Variants in MAGI3 observed in about 807,000 individuals in gnomAD.
MAGI3 encodes membrane associated guanylate kinase, WW and PDZ domain containing 3.
Under a neutral mutation model 121.8 loss-of-function variants are expected in MAGI3, and 43 were observed. That is an observed-to-expected ratio of 0.35 (90% CI 0.28 to 0.46). The LOEUF is 0.46. Ranked by LOEUF, MAGI3 falls within the 20% of genes least tolerant of loss-of-function variation. The probability of loss-of-function intolerance (pLI) is 1.00; values close to 1 mark genes in which losing one functional copy is unlikely to be tolerated. For missense variants in MAGI3, 1,547 were observed against 1,797.3 expected, an observed-to-expected ratio of 0.86 and a Z score of 2.52; for synonymous variants, 553 against 639.3, an observed-to-expected ratio of 0.86 and a Z score of 2.04.
rs1167186356 is a variant in MAGI3, at chr1:113,557,840, A to G, written c.433+8209A>G. Among the ~76,000 whole-genome samples the G allele has an allele frequency of 1.2e-4, 19 of 152,150 alleles. 1 individual carries two copies. Among genetic ancestry groups the G allele is most frequent in the Admixed American group, 1.2e-3 (18 of 15,278 alleles). On this transcript the variant is annotated intron_variant, in intron 2 of 20. Transcript: ENST00000307546. ...GTAGTTCAGTACCCACCTGGGACAG[A>G]GCTTCCAGAGGAAGCAGCAAGCTGC...
At position 113,653,924 on chromosome 1, in the gene MAGI3, A is replaced by G; in HGVS notation, c.2535A>G (p.Ala845=). 1.2e-6 allele frequency: 2 copies of G among 1,614,070 alleles called. No individual in the cohort carries two copies. The highest frequency in any genetic ancestry group is 1.7e-6 in the Non-Finnish European group (2 of 1,179,980). Reference sequence around the variant, plus strand: ...GGGCAGAGGTCCCAGCCAGGCCTGCACCCCAGGAGCCCTATGATGTTGTCT... The same window carrying G: ...GGGCAGAGGTCCCAGCCAGGCCTGCGCCCCAGGAGCCCTATGATGTTGTCT... ...LNRAEVPARP[A]PQEPYDVVLQ... Residue 845 remains alanine (A), a synonymous_variant, in exon 15 of 21, where the codon GCA becomes GCG. Transcript: ENST00000307546.
intron 1 of MAGI3, among the ~76,000 whole-genome samples, chr1:113,423,178 C>T (rs1652813933): frequency 6.6e-6 from 1 of 150,504 alleles, no homozygotes; most frequent in Non-Finnish European, 1.5e-5. Context: ...AACAGAACAA[C>T]TCTCAGTGGA....
intron 9 of MAGI3, among the ~76,000 whole-genome samples, chr1:113,634,174 C>A (rs558285926): frequency 6.6e-6 from 1 of 152,240 alleles, no homozygotes; most frequent in South Asian, 2.1e-4. Context: ...AATTTTCTCC[C>A]ATTTTGTAGG....
intron 1 of MAGI3, among the ~76,000 whole-genome samples, chr1:113,479,505 C>G (rs1196990467): frequency 6.6e-6 from 1 of 152,122 alleles, no homozygotes; most frequent in East Asian, 1.9e-4. Flanking sequence ...TGTGACTAGT[C>G]ATTTGCTGCT....
intron 6 of MAGI3, among the ~76,000 whole-genome samples, chr1:113,602,576 A>G (rs1471476882): frequency 1.3e-5 from 2 of 152,198 alleles, no homozygotes; most frequent in African/African-American, 4.8e-5. Context: ...GAACAAACCC[A>G]AAGTTAGTGG....
At chr1:113,397,393 G>C (rs1651172699) in intron 1 of MAGI3, among the ~76,000 whole-genome samples, 1 of 152,108 alleles carries the variant, frequency 6.6e-6, no homozygotes, top group African/African-American at 2.4e-5. Flanking sequence ...TTTTGAACTT[G>C]TTTGGGTTTT....
chr1:113,587,875 A>G (rs1424077792), intron 4 of MAGI3, among the ~76,000 whole-genome samples: 3 of 152,196 alleles, frequency 2.0e-5, no homozygotes, highest in Non-Finnish European at 4.4e-5. Flanking sequence ...TCCATTAGGT[A>G]CCTTTTAATT....
intron 1 of MAGI3, among the ~76,000 whole-genome samples, chr1:113,506,866 G>C (rs543688571): frequency 1.1e-4 from 16 of 152,292 alleles, no homozygotes; most frequent in Middle Eastern, 3.4e-3. Flanking sequence ...CGATGTACTA[G>C]CTTTGGTGCT....
intron 1 of MAGI3, among the ~76,000 whole-genome samples, chr1:113,537,719 T>G (rs1165409391): frequency 6.6e-6 from 1 of 152,202 alleles, no homozygotes; most frequent in Non-Finnish European, 1.5e-5. Context: ...GATAATAAAT[T>G]TTTTCTTTCA....
chr1:113,420,837 G>C (rs1227800340), intron 1 of MAGI3, among the ~76,000 whole-genome samples: 1 of 152,082 alleles, frequency 6.6e-6, no homozygotes, highest in Non-Finnish European at 1.5e-5. Flanking sequence ...CTGTATCTCA[G>C]GGAATACAAG....
intron 1 of MAGI3, among the ~76,000 whole-genome samples, chr1:113,471,729 C>T (rs1276985100): frequency 1.3e-5 from 2 of 151,604 alleles, no homozygotes; most frequent in Non-Finnish European, 2.9e-5. Flanking sequence ...TTTTTTATAC[C>T]AGCATCACCA....
chr1:113,417,561 C>G (rs746171464), intron 1 of MAGI3, among the ~76,000 whole-genome samples: 1 of 151,944 alleles, frequency 6.6e-6, no homozygotes, highest in Admixed American at 6.6e-5. Context: ...AATTTAAGAA[C>G]AGGACTTAAT....
chr1:113,679,548 C>T (rs185289281), intron 19 of MAGI3, among the ~76,000 whole-genome samples: 120 of 152,158 alleles, frequency 7.9e-4, no homozygotes, highest in Admixed American at 1.4e-3. Flanking sequence ...AAAATCAGTA[C>T]CATCATTATG....
chr1:113,683,806 A>G lies in MAGI3; in HGVS notation c.4238A>G (p.Gln1413Arg). The stretch of plus-strand genomic sequence containing the variant: ...CAGCTATCAGAAAAGAGGCTGAAGC[A>G]AGAACCTGAAGAGAAGGTAGTTTCA... ...NVQLSEKRLK[Q>R]EPEEKVVSNK... is the part of the protein sequence containing the mutation. The change falls in exon 21 of 21, where the codon CAA (glutamine) becomes CGA (arginine). Residue 1413 changes from glutamine (Q) to arginine (R), a missense_variant. Coordinates refer to ENST00000307546, the MANE Select transcript of MAGI3 (RefSeq NM_001142782.2). The G allele has an allele frequency of 6.2e-7, 1 of 1,609,948 alleles. No individual in the cohort carries two copies. The highest frequency in any genetic ancestry group is 8.5e-7 in the Non-Finnish European group (1 of 1,177,932).
intron 7 of MAGI3, among the ~76,000 whole-genome samples, chr1:113,618,164 AC>A (rs1199904926): frequency 2.7e-4 from 4 of 14,662 alleles, no homozygotes; most frequent in African/African-American, 6.7e-4. Flanking sequence ...CCCCATCTCT[AC>A]AAAAAAAAAA....
intron 1 of MAGI3, among the ~76,000 whole-genome samples, chr1:113,429,451 A>C (rs1376131684): frequency 1.3e-5 from 2 of 152,158 alleles, no homozygotes; most frequent in Non-Finnish European, 2.9e-5. Flanking sequence ...CCTGTTACAG[A>C]ATTTTCTGGA....
intron 1 of MAGI3, among the ~76,000 whole-genome samples, chr1:113,544,288 A>G (rs1249354812): frequency 6.6e-6 from 1 of 152,202 alleles, no homozygotes; most frequent in Non-Finnish European, 1.5e-5. Context: ...GTCCTGGTCT[A>G]ATGGAAAAGG....
intron 1 of MAGI3, among the ~76,000 whole-genome samples, chr1:113,526,673 T>C (rs1216342336): frequency 1.3e-5 from 2 of 152,154 alleles, no homozygotes; most frequent in Non-Finnish European, 2.9e-5. Context: ...ATTTGTACTT[T>C]AGGAAAATTG....
intron 2 of MAGI3, among the ~76,000 whole-genome samples, chr1:113,564,787 GTATT>G (rs1379157398): frequency 6.6e-6 from 1 of 151,686 alleles, no homozygotes; most frequent in Non-Finnish European, 1.5e-5. Flanking sequence ...AATCACATAC[GTATT>G]TAGTATTTGA....
Sources: gnomAD v4.1 joint callset for allele counts (sites outside exome capture counted in the v4.1 genomes callset) on GRCh38, gnomAD v4.1.1 for gene constraint, MANE v1.5 for transcripts, NCBI Gene and HGNC (gene_info 2026-07-23, HGNC 2026-07-21) for gene names.